The following TUBGCP3 variants were observed in gnomAD, a reference collection of about 807,000 sequenced individuals.
TUBGCP3 encodes gamma-tubulin complex component 3.
Under a neutral mutation model 123.1 loss-of-function variants are expected in TUBGCP3, and 50 were observed. That is an observed-to-expected ratio of 0.41 (90% CI 0.32 to 0.51). The LOEUF is 0.51. TUBGCP3 is among the 20% of genes least tolerant of loss of function. The pLI, the probability that TUBGCP3 is intolerant of heterozygous loss-of-function variation, is 0.36. For synonymous variants in TUBGCP3, 405 were observed against 413.9 expected, an observed-to-expected ratio of 0.98 and a Z score of 0.26; for missense variants, 882 against 1,127.0, an observed-to-expected ratio of 0.78 and a Z score of 3.11.
At chr13:112,558,539 A>C in intron 4 of TUBGCP3, 126 bp from the exon 5 acceptor site, 1 of 796,788 alleles carries the variant, frequency 1.3e-6, no homozygotes. Flanking sequence ...TCCATACTTT[A>C]TTAAACAATA....
In TUBGCP3 at chr13:112,545,561, A is replaced by T; in HGVS notation, c.1335+138T>A. 1.1e-6 allele frequency: 1 copy of T among 950,308 alleles called. No individual in the cohort carries two copies. Among genetic ancestry groups the T allele is most frequent in the Non-Finnish European group, 1.6e-6 (1 of 626,210 alleles). 58.9% of individuals were successfully genotyped at this position (950,308 alleles called of 1,614,324 possible). On this transcript the variant is annotated intron_variant, in intron 11 of 21. Transcript: ENST00000261965. The surrounding 1 kb of genome is among the most constrained non-coding windows in gnomAD (Gnocchi z 4.1). ...ACCAGCTGTCGAGGCACTGTGTAAA[A>T]TGTATATGGTATTCAATGGAAGTGC...
intron 17 of TUBGCP3, among the ~76,000 whole-genome samples, chr13:112,510,068 C>T (rs1881571128): frequency 6.6e-6 from 1 of 152,172 alleles, no homozygotes; most frequent in African/African-American, 2.4e-5. Flanking sequence ...ATACAGGATG[C>T]ACATCTCCTG....
At chr13:112,512,596 G>C (rs1057117922) in intron 17 of TUBGCP3, among the ~76,000 whole-genome samples, 2 of 151,936 alleles carry the variant, frequency 1.3e-5, no homozygotes, top group African/African-American at 4.8e-5. Context: ...TTAGCCAGGC[G>C]TTGTGGCGGG....
chr13:112,530,150 C>T (rs1877462649), intron 11 of TUBGCP3, among the ~76,000 whole-genome samples: 1 of 152,112 alleles, frequency 6.6e-6, no homozygotes, highest in South Asian at 2.1e-4. Context: ...AACACTAGCA[C>T]ATGTGATTAG....
chr13:112,504,519 T>C, intron 18 of TUBGCP3, 107 bp downstream of exon 18: 4 of 733,902 alleles, frequency 5.5e-6, no homozygotes, highest in Non-Finnish European at 8.3e-6. Flanking sequence ...TATGTATATA[T>C]ACACATATAT....
At chr13:112,586,898 T>C (rs1223016079) in intron 1 of TUBGCP3, among the ~76,000 whole-genome samples, 2 of 152,196 alleles carry the variant, frequency 1.3e-5, no homozygotes, top group Admixed American at 1.3e-4. Context: ...AAGTCACTCA[T>C]TTAATAGCGA....
Position 112,545,419 on chromosome 13 carries a change from T to C in TUBGCP3, c.1335+280A>G, listed in dbSNP as rs1878903726. 2 of 365,084 alleles carry C rather than the reference T, an allele frequency of 5.5e-6. No homozygotes were observed. The highest frequency in any genetic ancestry group is 1.0e-5 in the Non-Finnish European group (2 of 195,508). The allele number at this position is 365,084 out of a possible 1,614,324, so 22.6% of individuals were successfully genotyped here. ...CAAGACTCAGGAGGCCTCGTCCTGT[T>C]TTGCCATCCACGTGCTAGTAAACTC... On this transcript the variant is annotated intron_variant, in intron 11 of 21. Transcript: ENST00000261965. The surrounding 1 kb of genome is among the most constrained non-coding windows in gnomAD (Gnocchi z 4.1).
rs541405499 is a variant in TUBGCP3, at chr13:112,489,966, G to T, written c.2449-269C>A. On this transcript the variant is annotated intron_variant, in intron 20 of 21. Transcript: ENST00000261965. ...ATCACATTGTATAACATGTAACAAG[G>T]TATATAATTCATCTCATTTCATGGG... 745 of 470,626 alleles carry T rather than the reference G, an allele frequency of 1.6e-3. 3 individuals carry two copies. Among genetic ancestry groups the T allele is most frequent in the Non-Finnish European group, 2.1e-3 (566 of 264,060 alleles). The allele number at this position is 470,626 out of a possible 1,614,324, so 29.2% of individuals were successfully genotyped here. A position where few individuals can be genotyped will look rare whatever the true frequency, so the allele number is the denominator to read the frequency against.
Position 112,547,702 on chromosome 13 carries a change from T to C in TUBGCP3, c.1086A>G (p.Leu362=). 1 of 1,566,622 alleles carries C rather than the reference T, an allele frequency of 6.4e-7. No homozygotes were observed. The highest frequency in any genetic ancestry group is 1.2e-5 in the South Asian group (1 of 84,960). ...TCCAAACCAGGAGGCGCCGAAGTGT[T>C]AAACTACTCTCAAGTCCCAAATTCA... The part of the protein sequence containing the change: ...QGVNLGLESS[L]TLRRLLVWTY... The change falls in exon 10 of 22, where the codon TTA becomes TTG. Residue 362 remains leucine, a synonymous_variant. Transcript: ENST00000261965.
intron 8 of TUBGCP3, among the ~76,000 whole-genome samples, chr13:112,550,374 G>A (rs1025347239): frequency 1.3e-5 from 2 of 151,978 alleles, no homozygotes; most frequent in Admixed American, 1.3e-4. Context: ...ATGGTTTGTG[G>A]ACTAAGACAA....
chr13:112,575,569 A>G (rs969799539), intron 1 of TUBGCP3, among the ~76,000 whole-genome samples: 48 of 152,342 alleles, frequency 3.2e-4, no homozygotes, highest in Admixed American at 2.1e-3. Context: ...ATGAGCAAGG[A>G]TATCAACTTG....
Position 112,554,898 on chromosome 13 carries a change from C to T in TUBGCP3, c.829G>A (p.Val277Ile), listed in dbSNP as rs1407220248. 1 of 1,602,626 alleles carries T rather than the reference C, an allele frequency of 6.2e-7. No homozygotes were observed. Among genetic ancestry groups the T allele is most frequent in the African/African-American group, 1.3e-5 (1 of 74,418 alleles). The change falls in exon 7 of 22, where the codon GTA (valine) becomes ATA (isoleucine). Residue 277 changes from valine to isoleucine, a missense_variant. This residue lies in a region of TUBGCP3 where 713 missense variants were observed against 874.0 expected (regional missense o/e 0.82). Transcript: ENST00000261965. ...TTATGTTACTGTACCTTTCCTTCTA[C>T]TTTGTAACAATTTTCAGTGTTGTTC... ...KMNNTENCYK[V>I]EGKANLSRSL...
intron 14 of TUBGCP3, chr13:112,521,569 G>A: frequency 3.0e-6 from 2 of 669,576 alleles, no homozygotes; most frequent in Non-Finnish European, 3.7e-6. Flanking sequence ...ACTGAAACTT[G>A]AGGACCTGAG....
Position 112,504,111 on chromosome 13 carries a change from T to C in TUBGCP3, c.2228A>G (p.Asp743Gly). ...GTGTGCAGCAATGATGTGATCCAAA[T>C]CCTGGGCCTGCTGGACTTTGTTCCA... is the stretch of plus-strand genomic sequence containing the variant. The part of the protein sequence containing the change: ...ELWNKVQQAQ[D>G]LDHIIAAHEV... The change falls in exon 19 of 22, where the codon GAT (aspartate) becomes GGT (glycine). Residue 743 changes from aspartate (D) to glycine (G), a missense_variant. Asp to Gly is a moderately conservative substitution (Grantham distance 94). This residue lies in a region of TUBGCP3 where 160 missense variants were observed against 220.3 expected (regional missense o/e 0.73). Transcript: ENST00000261965. 6.2e-7 allele frequency: 1 copy of C among 1,614,142 alleles called. No individual in the cohort carries two copies. The highest frequency in any genetic ancestry group is 8.5e-7 in the Non-Finnish European group (1 of 1,180,036).
At chr13:112,496,964 C>T (rs544952155) in intron 20 of TUBGCP3, among the ~76,000 whole-genome samples, 5 of 143,722 alleles carry the variant, frequency 3.5e-5, no homozygotes, top group Admixed American at 1.4e-4. Context: ...CCAGCCTGGG[C>T]GACAAAGTGA....
intron 4 of TUBGCP3, 50 bp downstream of exon 4, chr13:112,559,272 C>T (rs766453028): frequency 2.0e-6 from 3 of 1,516,380 alleles, no homozygotes; most frequent in South Asian, 2.4e-5. Flanking sequence ...CTATCAAAGT[C>T]AGCCAGGGTG....
chr13:112,520,180 A>G (rs2139062049), intron 14 of TUBGCP3, among the ~76,000 whole-genome samples, 159 bp from the exon 15 acceptor site: 1 of 152,370 alleles, frequency 6.6e-6, no homozygotes, highest in Middle Eastern at 3.4e-3. Context: ...CAGAGCATTA[A>G]CTGCAAACAG....
Position 112,556,131 on chromosome 13 carries a change from T to C in TUBGCP3, c.642A>G (p.Ser214=), listed in dbSNP as rs41288622. 4 of 1,614,042 alleles carry C rather than the reference T, an allele frequency of 2.5e-6. No individual in the cohort carries two copies. Among genetic ancestry groups the C allele is most frequent in the Non-Finnish European group, 3.4e-6 (4 of 1,179,980 alleles). Residue 214 remains serine (S), a synonymous_variant, in exon 6 of 22, where the codon TCA becomes TCG. Coordinates refer to ENST00000261965, the MANE Select transcript of TUBGCP3 (RefSeq NM_006322.6). ...AWTLTANQPS[S]QATTSKGVPS... The stretch of plus-strand genomic sequence containing the variant: ...GGACACCTTTTGAGGTAGTGGCTTG[T>C]GAAGAAGGCTGATTTGCAGTTAAAG...
chr13:112,589,920 C>T (rs537035688), upstream of TUBGCP3, among the ~76,000 whole-genome samples: 1 of 152,184 alleles, frequency 6.6e-6, no homozygotes, highest in Non-Finnish European at 1.5e-5. Flanking sequence ...GTGGCACATG[C>T]GCTTCTGAGA....
Sources: allele counts gnomAD v4.1 joint callset (sites outside exome capture counted in the v4.1 genomes callset), GRCh38; gene constraint gnomAD v4.1.1; regional missense constraint gnomAD v4.1.1; non-coding constraint Gnocchi (gnomAD v3.1); transcripts MANE v1.5; gene names NCBI Gene and HGNC (gene_info 2026-07-23, HGNC 2026-07-21).